The following ITSN2 variants were observed in gnomAD, a reference collection of about 807,000 sequenced individuals.
The protein encoded by ITSN2 is intersectin-2.
Under a neutral mutation model 243.7 loss-of-function variants are expected in ITSN2, and 156 were observed. The ratio of observed to expected loss-of-function variants is 0.64; its 90% CI spans 0.56 to 0.73. The LOEUF (loss-of-function observed/expected upper bound fraction) is 0.73, where lower values mean the gene tolerates loss of function less well. Ranked by LOEUF, ITSN2 falls within the 30% of genes least tolerant of loss-of-function variation. The pLI is 0.00. For synonymous variants in ITSN2, 703 were observed against 699.9 expected (o/e 1.00, Z -0.07); for missense variants, 1,801 against 1,996.1 (o/e 0.90, Z 1.86).
intron 1 of ITSN2, among the ~76,000 whole-genome samples, chr2:24,347,824 C>T (rs1415618482): frequency 6.6e-6 from 1 of 151,630 alleles, no homozygotes; most frequent in African/African-American, 2.4e-5. Context: ...GTAATCCTAG[C>T]GCTTTTGGGA....
At chr2:24,308,146 AGTG>A (rs1345144293) in intron 8 of ITSN2, among the ~76,000 whole-genome samples, 8 of 152,234 alleles carry the variant, frequency 5.3e-5, no homozygotes, top group Non-Finnish European at 1.0e-4. Flanking sequence ...AATGTTTTAC[AGTG>A]AACTAAGGCC....
At chr2:24,292,486 G>C (rs1680383062) in intron 15 of ITSN2, among the ~76,000 whole-genome samples, 1 of 152,148 alleles carries the variant, frequency 6.6e-6, no homozygotes, top group South Asian at 2.1e-4. Context: ...CAGGGACATG[G>C]ATAGACCACA....
intron 29 of ITSN2, chr2:24,239,197 T>C (rs1207994164): frequency 2.0e-5 from 3 of 152,618 alleles, no homozygotes; most frequent in East Asian, 1.9e-4. Context: ...ATTTCCATTA[T>C]AGATTCTGTT....
chr2:24,263,555 A>G (rs996687852), intron 20 of ITSN2, among the ~76,000 whole-genome samples: 7 of 152,144 alleles, frequency 4.6e-5, no homozygotes, highest in Admixed American at 3.3e-4. Flanking sequence ...TTGTTCCACC[A>G]TAAGTCCTCC....
chr2:24,293,514 T>C (rs557555232), intron 15 of ITSN2, 174 bp downstream of exon 15: 3 of 383,370 alleles, frequency 7.8e-6, no homozygotes, highest in African/African-American at 6.3e-5. Flanking sequence ...TTTTTATCAC[T>C]AAAAATGCTC....
intron 34 of ITSN2, chr2:24,210,295 T>G: frequency 2.1e-6 from 1 of 471,418 alleles, no homozygotes; most frequent in Non-Finnish European, 3.8e-6. Context: ...AAAATCCCAG[T>G]GTTCTCTCCT....
intron 29 of ITSN2, among the ~76,000 whole-genome samples, chr2:24,236,856 CT>C (rs1247088795): frequency 6.7e-6 from 1 of 150,300 alleles, no homozygotes; most frequent in Non-Finnish European, 1.5e-5. Context: ...ATCTATCTAT[CT>C]TTTATTTTTT....
At position 24,302,009 on chromosome 2, in the gene ITSN2, T is replaced by C. The variant is rs779307727; in HGVS notation, c.951A>G (p.Pro317=). 48 of 1,613,348 alleles carry C rather than the reference T, an allele frequency of 3.0e-5. No individual in the cohort carries two copies. Among genetic ancestry groups the C allele is most frequent in the East Asian group, 4.5e-5 (2 of 44,814 alleles). Residue 317 remains proline (P), a synonymous_variant, in exon 10 of 40, where the codon CCA becomes CCG. Transcript: ENST00000355123. The stretch of plus-strand genomic sequence containing the variant: ...GCTCAGGAGGTAAAGTCAGTGGTAA[T>C]GGCTGTCCAGCTTTGGCCATGTCAG... ...HLTDMAKAGQ[P]LPLTLPPELV...
At chr2:24,286,390 G>A (rs373691138) in intron 15 of ITSN2, 39 bp from the exon 16 acceptor site, 1 of 1,585,018 alleles carries the variant, frequency 6.3e-7, no homozygotes, top group Admixed American at 1.7e-5. Flanking sequence ...TTTTGCAGAA[G>A]TTCGTATGTC....
intron 2 of ITSN2, among the ~76,000 whole-genome samples, chr2:24,323,584 G>GTTAT (rs1181597401): frequency 6.6e-6 from 1 of 152,146 alleles, no homozygotes; most frequent in South Asian, 2.1e-4. Flanking sequence ...AAAGGTGGAG[G>GTTAT]TATAAGGGTA....
At position 24,224,074 on chromosome 2, in the gene ITSN2, G is replaced by GAC. The variant is rs565947258; in HGVS notation, c.3578-3009_3578-3008insGT. Among the ~76,000 whole-genome samples, 22 of 125,312 alleles carry GAC rather than the reference G, an allele frequency of 1.8e-4. No individual in the cohort carries two copies. In the East Asian group the frequency reaches 5.1e-3, roughly 29 times the overall value. 82.2% of individuals were successfully genotyped at this position (125,312 alleles called of 152,430 possible). A position where few individuals can be genotyped will look rare whatever the true frequency, so the allele number is the denominator to read the frequency against. ...ACGAGGCTTTTGTGGAGCAAGGAGA[G>GAC]GCTTGGTGACCAGACACCTGGCGAA... On this transcript the variant is annotated intron_variant, in intron 29 of 39. Transcript: ENST00000355123.
intron 29 of ITSN2, among the ~76,000 whole-genome samples, chr2:24,230,593 C>T (rs1671483165): frequency 6.6e-6 from 1 of 152,048 alleles, no homozygotes; most frequent in Non-Finnish European, 1.5e-5. Flanking sequence ...CATGGTGGAA[C>T]CCCGTCTCTA....
chr2:24,337,329 T>TACATAC (rs1435357275), intron 1 of ITSN2, among the ~76,000 whole-genome samples: 3 of 94,460 alleles, frequency 3.2e-5, no homozygotes, highest in African/African-American at 4.2e-5. Context: ...TATATATATA[T>TACATAC]ATATATATAT....
intron 15 of ITSN2, among the ~76,000 whole-genome samples, chr2:24,292,683 C>G (rs932981509): frequency 4.6e-5 from 7 of 152,338 alleles, no homozygotes; most frequent in African/African-American, 1.7e-4. Flanking sequence ...AGCCCTCACT[C>G]TCTAGAGACT....
intron 29 of ITSN2, among the ~76,000 whole-genome samples, chr2:24,232,903 A>T (rs1228607664): frequency 6.6e-6 from 1 of 152,240 alleles, no homozygotes; most frequent in African/African-American, 2.4e-5. Context: ...TCTAAAGGCA[A>T]AAAAGGTTTA....
intron 20 of ITSN2, among the ~76,000 whole-genome samples, chr2:24,262,631 C>T (rs942062302): frequency 1.1e-4 from 17 of 152,296 alleles, no homozygotes; most frequent in African/African-American, 4.1e-4. Flanking sequence ...ATTCTATACC[C>T]TTCCTGAATA....
Position 24,295,012 on chromosome 2 carries a change from C to T in ITSN2, c.1635+652G>A, listed in dbSNP as rs142789338. ...ACCTTGATCTTGGACTTCTCAGTCT[C>T]TAGAACTATGAGTAATAAATTTCTG... is the stretch of plus-strand genomic sequence containing the variant. On this transcript the variant is annotated intron_variant, in intron 14 of 39. Transcript: ENST00000355123. Among the ~76,000 whole-genome samples, 214 of 152,300 alleles carry T rather than the reference C, an allele frequency of 1.4e-3. 1 individual carries two copies. The highest frequency in any genetic ancestry group is 4.9e-3 in the African/African-American group (202 of 41,562).
chr2:24,301,201 G>A lies in ITSN2; in HGVS notation c.1034C>T (p.Pro345Leu), dbSNP rs751583641. ...CTCTTCTTGCATTTTCTGATATGAA[G>A]GCAGAGTTCCATTAATGGAATCAAT... ...KQIDSINGTL[P>L]SYQKMQEEEP... Residue 345 changes from proline (P) to leucine (L), a missense_variant, in exon 11 of 40, where the codon CCT becomes CTT. Around this residue, in one of 5 missense-constraint regions of ITSN2, gnomAD observed 787 missense variants for 803.9 expected, o/e 0.98. Transcript: ENST00000355123. 2 of 1,608,094 alleles carry A rather than the reference G, an allele frequency of 1.2e-6. No individual in the cohort carries two copies. Among genetic ancestry groups the A allele is most frequent in the South Asian group, 1.1e-5 (1 of 90,130 alleles).
chr2:24,261,625 C>T lies in ITSN2; in HGVS notation c.2473G>A (p.Val825Ile), dbSNP rs772629088. The change falls in exon 21 of 40, where the codon GTA becomes ATA. Residue 825 changes from valine (V) to isoleucine (I), a missense_variant. Val to Ile is a conservative substitution (Grantham distance 29). Coordinates refer to ENST00000355123, the MANE Select transcript of ITSN2 (RefSeq NM_006277.3). ...KMPSSENEKA[V>I]SPKKALLPPT... ...GGAAGTAAGGCCTTCTTTGGAGATACAGCTTTTTCATTTTCACTTGATGGC... is the reference window on the plus strand; with the variant it reads ...GGAAGTAAGGCCTTCTTTGGAGATATAGCTTTTTCATTTTCACTTGATGGC... 29 of 1,613,618 alleles carry T rather than the reference C, an allele frequency of 1.8e-5. No homozygotes were observed. The highest frequency in any genetic ancestry group is 2.5e-5 in the Non-Finnish European group (29 of 1,179,660).
Sources: allele counts gnomAD v4.1 joint callset (sites outside exome capture counted in the v4.1 genomes callset), GRCh38; gene constraint gnomAD v4.1.1; regional missense constraint gnomAD v4.1.1; transcripts MANE v1.5; gene names NCBI Gene and HGNC (gene_info 2026-07-23, HGNC 2026-07-21).